IQCE: variants seen among roughly 807,000 people sequenced by gnomAD.
IQCE encodes IQ domain-containing protein E.
In IQCE, 115 loss-of-function variants were observed where a neutral mutation model predicts 96.0. That is an observed-to-expected ratio of 1.20 (90% CI 1.03 to 1.40). The LOEUF (loss-of-function observed/expected upper bound fraction) is 1.40, where lower values mean the gene tolerates loss of function less well. Among genes scored for constraint, IQCE ranks in the 40% most tolerant of loss-of-function variants. The pLI is 0.00. For synonymous variants in IQCE, 412 were observed against 371.2 expected (o/e 1.11, Z -1.26); for missense variants, 1,041 against 909.1 (o/e 1.15, Z -1.87).
chr7:2,574,311 G>A (rs1216686784), intron 6 of IQCE, among the ~76,000 whole-genome samples: 1 of 152,258 alleles, frequency 6.6e-6, no homozygotes, highest in Non-Finnish European at 1.5e-5. Flanking sequence ...CCCAGAGCAC[G>A]GAAGAGGATC....
At chr7:2,577,081 T>G (rs912549673) in intron 6 of IQCE, among the ~76,000 whole-genome samples, 7 of 152,154 alleles carry the variant, frequency 4.6e-5, no homozygotes, top group Non-Finnish European at 7.4e-5. Flanking sequence ...AGGCGTGCCC[T>G]CCGGTGCCCT....
chr7:2,602,662 C>T (rs773239906), intron 18 of IQCE, among the ~76,000 whole-genome samples: 6 of 152,216 alleles, frequency 3.9e-5, no homozygotes, highest in Non-Finnish European at 8.8e-5. Flanking sequence ...TTCCCCCTGC[C>T]CCACCCATGT....
At chr7:2,574,988 G>A (rs989570512) in intron 6 of IQCE, among the ~76,000 whole-genome samples, 2 of 152,178 alleles carry the variant, frequency 1.3e-5, no homozygotes, top group Admixed American at 1.3e-4. Flanking sequence ...TGTTTCAAGC[G>A]TGCCTGTCAT....
intron 1 of IQCE, among the ~76,000 whole-genome samples, chr7:2,563,375 T>TTTTTTGTGTG (rs60896382): frequency 7.4e-6 from 1 of 135,682 alleles, no homozygotes; most frequent in African/African-American, 2.9e-5. Flanking sequence ...TAATTTTTTG[T>TTTTTTGTGTG]TGTGTGTGTG....
chr7:2,565,804 AT>A (rs1157609151), intron 1 of IQCE, among the ~76,000 whole-genome samples: 2 of 152,242 alleles, frequency 1.3e-5, no homozygotes, highest in Non-Finnish European at 2.9e-5. Flanking sequence ...AAAAAATGAT[AT>A]AAAAAATTTC....
intron 17 of IQCE, 25 bp downstream of exon 17, chr7:2,598,657 G>T: frequency 6.7e-7 from 1 of 1,482,264 alleles, no homozygotes; most frequent in Non-Finnish European, 9.0e-7. Context: ...GGCGACCCGG[G>T]CTGCTCCCTG....
chr7:2,577,358 G>T lies in IQCE; in HGVS notation c.466-884G>T, dbSNP rs924425157. Among the ~76,000 whole-genome samples the T allele has an allele frequency of 4.9e-5, 7 of 141,906 alleles. No homozygotes were observed. The South Asian group carries it at 1.5e-3, about 30-fold the overall frequency. The allele number at this position is 141,906 out of a possible 152,430, so 93.1% of individuals were successfully genotyped here. A position where few individuals can be genotyped will look rare whatever the true frequency, so the allele number is the denominator to read the frequency against. Reference sequence around the variant, plus strand: ...CATTGGCGTGTGCGTGGCTGTGCGCGCGGGGACGTGTGTGCGGCGTGCGCG... The same window carrying T: ...CATTGGCGTGTGCGTGGCTGTGCGCTCGGGGACGTGTGTGCGGCGTGCGCG... On this transcript the variant is annotated intron_variant, in intron 6 of 21. Transcript: ENST00000402050.
intron 11 of IQCE, 150 bp from the exon 12 acceptor site, chr7:2,586,058 A>G: frequency 1.5e-6 from 1 of 651,834 alleles, no homozygotes; most frequent in Non-Finnish European, 2.6e-6. Flanking sequence ...CAAAGTTATT[A>G]CTGCCTATTC....
intron 20 of IQCE, among the ~76,000 whole-genome samples, 154 bp downstream of exon 20, chr7:2,606,151 G>C (rs1355044915): frequency 6.6e-6 from 1 of 152,232 alleles, no homozygotes; most frequent in Non-Finnish European, 1.5e-5. Context: ...CAGAGTAAAG[G>C]CTTCACATCC....
chr7:2,601,853 C>T, intron 18 of IQCE: 1 of 206,428 alleles, frequency 4.8e-6, no homozygotes, highest in Non-Finnish European at 9.7e-6. Context: ...CCCGGCAAGT[C>T]CTTCTTTTCA....
At position 2,572,329 on chromosome 7, in the gene IQCE, G is replaced by C. The variant is rs1463090589; in HGVS notation, c.394+3G>C. The C allele has an allele frequency of 6.2e-7, 1 of 1,613,358 alleles. No individual in the cohort carries two copies. Among genetic ancestry groups the C allele is most frequent in the African/African-American group, 1.3e-5 (1 of 74,906 alleles). ...TCTCAGGCGCTCTGCCAGCAACGGT[G>C]AGCATGCCGATGGTGGCGAGGCTGA... On this transcript the variant is annotated splice_donor_region_variant and intron_variant, in intron 5 of 21. Coordinates refer to ENST00000402050, the MANE Select transcript of IQCE (RefSeq NM_152558.5).
At chr7:2,586,057 T>A in intron 11 of IQCE, 151 bp from the exon 12 acceptor site, 1 of 650,344 alleles carries the variant, frequency 1.5e-6, no homozygotes, top group Non-Finnish European at 2.6e-6. Context: ...TCAAAGTTAT[T>A]ACTGCCTATT....
intron 1 of IQCE, 95 bp from the exon 2 acceptor site, chr7:2,567,021 G>A (rs1781423424): frequency 2.0e-6 from 2 of 987,732 alleles, no homozygotes; most frequent in Non-Finnish European, 3.2e-6. Flanking sequence ...TTCTGTTTCA[G>A]CAGCTGTGGA....
intron 16 of IQCE, among the ~76,000 whole-genome samples, chr7:2,597,802 G>A (rs1401394944): frequency 6.6e-6 from 1 of 152,132 alleles, no homozygotes; most frequent in African/African-American, 2.4e-5. Flanking sequence ...GAGTAGCTGA[G>A]ACCACAGTGG....
intron 1 of IQCE, among the ~76,000 whole-genome samples, chr7:2,563,515 T>C (rs1271856472): frequency 1.3e-5 from 2 of 152,116 alleles, no homozygotes; most frequent in Non-Finnish European, 2.9e-5. Flanking sequence ...GCCCTGCTTT[T>C]GTTTTTTAAG....
intron 2 of IQCE, among the ~76,000 whole-genome samples, chr7:2,568,207 C>G (rs1049571256): frequency 6.6e-6 from 1 of 152,222 alleles, no homozygotes; most frequent in Non-Finnish European, 1.5e-5. Flanking sequence ...TTAAGTACTT[C>G]ACACAAGCTT....
chr7:2,564,330 C>T (rs1009001137), intron 1 of IQCE, among the ~76,000 whole-genome samples: 1 of 152,114 alleles, frequency 6.6e-6, no homozygotes, highest in Non-Finnish European at 1.5e-5. Flanking sequence ...CACAGTGACT[C>T]ACACCTATAG....
At chr7:2,593,368 C>T (rs953241032) in intron 15 of IQCE, among the ~76,000 whole-genome samples, 1 of 152,280 alleles carries the variant, frequency 6.6e-6, no homozygotes, top group African/African-American at 2.4e-5. Context: ...GCTGTGCCAG[C>T]ACCTGCCCCT....
At chr7:2,602,433 C>T in intron 18 of IQCE, among the ~76,000 whole-genome samples, 1 of 152,188 alleles carries the variant, frequency 6.6e-6, no homozygotes, top group East Asian at 1.9e-4. Context: ...AGGGCCCCTT[C>T]AGGGACAGCA....
Sources: gnomAD v4.1 joint callset for allele counts (sites outside exome capture counted in the v4.1 genomes callset) on GRCh38, gnomAD v4.1.1 for gene constraint, MANE v1.5 for transcripts, NCBI Gene and HGNC (gene_info 2026-07-23, HGNC 2026-07-21) for gene names.